Variants in KLHL28 observed in about 807,000 individuals in gnomAD.
KLHL28 encodes kelch-like protein 28.
KLHL28 carries 22 observed loss-of-function variants against 48.3 expected under a neutral mutation model. The observed-to-expected ratio is 0.46, with a 90% confidence interval of 0.33 to 0.65. KLHL28 has a LOEUF of 0.65. KLHL28 is among the 30% of genes least tolerant of loss of function. The probability of loss-of-function intolerance (pLI) is 0.03; values close to 1 mark genes in which losing one functional copy is unlikely to be tolerated. For missense variants in KLHL28, 527 were observed against 704.3 expected, an observed-to-expected ratio of 0.75 and a Z score of 2.85; for synonymous variants, 243 against 242.4, an observed-to-expected ratio of 1.00 and a Z score of -0.02.
chr14:44,948,145 GTA>G (rs893678612), intron 1 of KLHL28, among the ~76,000 whole-genome samples: 1 of 152,086 alleles, frequency 6.6e-6, no homozygotes, highest in Non-Finnish European at 1.5e-5. Context: ...GAAAAAATAG[GTA>G]ATGGGGTTAA....
chr14:44,940,107 G>A (rs1401120268), intron 2 of KLHL28, among the ~76,000 whole-genome samples: 1 of 152,166 alleles, frequency 6.6e-6, no homozygotes, highest in South Asian at 2.1e-4. Context: ...AAGTGCAAGC[G>A]AGTATGTATG....
At chr14:44,933,518 G>T (rs1369396872) in intron 3 of KLHL28, among the ~76,000 whole-genome samples, 3 of 151,844 alleles carry the variant, frequency 2.0e-5, no homozygotes, top group African/African-American at 7.3e-5. Context: ...TAAAGGTTCA[G>T]AATTACGATT....
At chr14:44,953,245 A>G (rs1187928217) in intron 1 of KLHL28, among the ~76,000 whole-genome samples, 1 of 152,214 alleles carries the variant, frequency 6.6e-6, no homozygotes, top group African/African-American at 2.4e-5. Flanking sequence ...GAATAGCCAT[A>G]TGGAAACAGG....
intron 1 of KLHL28, among the ~76,000 whole-genome samples, chr14:44,955,028 T>C (rs973256013): frequency 2.6e-5 from 4 of 152,142 alleles, no homozygotes; most frequent in Non-Finnish European, 5.9e-5. Flanking sequence ...ACTGTTAATG[T>C]GTGTATTGTG....
rs73334128 is a variant in KLHL28 at position 44,935,700 on chromosome 14, G to A, written c.900-1142C>T. ...CAAGGGAATAGTTCGTAAAAATTCA[G>A]GACAGTGGATACTTCTGGAGGAAGG... On this transcript the variant is annotated intron_variant, in intron 2 of 4. Transcript: ENST00000396128. 1.1e-3 allele frequency among the ~76,000 whole-genome samples: 169 copies of A among 151,138 alleles called. 1 individual carries two copies. The highest frequency in any genetic ancestry group is 3.4e-3 in the Middle Eastern group (1 of 294).
intron 2 of KLHL28, among the ~76,000 whole-genome samples, chr14:44,935,030 G>A (rs192318751): frequency 2.3e-3 from 357 of 152,254 alleles, no homozygotes; most frequent in Non-Finnish European, 2.2e-3. Flanking sequence ...ATGTCCAAGA[G>A]TGTTTACTAC....
At position 44,934,162 on chromosome 14, in the gene KLHL28, A is replaced by T; in HGVS notation, c.1296T>A (p.Asp432Glu). The T allele has an allele frequency of 1.2e-6, 2 of 1,614,140 alleles. No individual in the cohort carries two copies. The highest frequency in any genetic ancestry group is 1.7e-6 in the Non-Finnish European group (2 of 1,179,992). Reference protein sequence around the residue: ...TRSCFAAAVLDGMIYAIGGYG... With the variant: ...TRSCFAAAVLEGMIYAIGGYG... ...ACCCACCAATGGCATATATCATTCC[A>T]TCCAATACCGCTGCAGCAAAACAAC... Residue 432 changes from aspartate to glutamate, a missense_variant, in exon 3 of 5, where the codon GAT (aspartate) becomes GAA (glutamate). Physicochemically the swap from Asp to Glu is conservative, Grantham distance 45 (BLOSUM62 2). Coordinates refer to ENST00000396128, the MANE Select transcript of KLHL28 (RefSeq NM_017658.5).
At chr14:44,956,608 A>C (rs1884803379) in intron 1 of KLHL28, among the ~76,000 whole-genome samples, 1 of 152,264 alleles carries the variant, frequency 6.6e-6, no homozygotes, top group African/African-American at 2.4e-5. Flanking sequence ...ATCTTGTAAA[A>C]TAAACTAAAT....
chr14:44,946,937 A>T (rs1442817389), intron 1 of KLHL28, among the ~76,000 whole-genome samples: 6 of 152,184 alleles, frequency 3.9e-5, no homozygotes. Flanking sequence ...AAAGAATAAA[A>T]ATAGCAGGGA....
chr14:44,932,359 T>G (rs1039908937), intron 3 of KLHL28, among the ~76,000 whole-genome samples: 1 of 152,120 alleles, frequency 6.6e-6, no homozygotes, highest in Admixed American at 6.5e-5. Flanking sequence ...TGATCATAAT[T>G]ATCTCAGGGT....
rs758139082 is a variant in KLHL28 at position 44,931,416 on chromosome 14, A to G, written c.1469T>C (p.Val490Ala). ...FIFVVGGHNG[V>A]SHLSSIERYD... ...TCTTTCAATGCTGGACAAATGTGAGACTCCATTATGTCCACCCACCACAAA... is the reference window on the plus strand; with the variant it reads ...TCTTTCAATGCTGGACAAATGTGAGGCTCCATTATGTCCACCCACCACAAA... The change falls in exon 4 of 5, where the codon GTC (valine) becomes GCC (alanine). Residue 490 changes from valine (V) to alanine (A), a missense_variant. Coordinates refer to ENST00000396128, the MANE Select transcript of KLHL28 (RefSeq NM_017658.5). 2.5e-6 allele frequency: 4 copies of G among 1,613,508 alleles called. No homozygotes were observed. The South Asian group carries it at 3.3e-5, about 13-fold the overall frequency.
chr14:44,950,174 G>A (rs1370795714), intron 1 of KLHL28, among the ~76,000 whole-genome samples: 1 of 152,024 alleles, frequency 6.6e-6, no homozygotes, highest in Non-Finnish European at 1.5e-5. Context: ...CATAAAAAGG[G>A]CTCAGAATAG....
At chr14:44,937,282 A>T (rs1428508151) in intron 2 of KLHL28, among the ~76,000 whole-genome samples, 3 of 151,566 alleles carry the variant, frequency 2.0e-5, no homozygotes, top group Non-Finnish European at 1.5e-5. Context: ...AGTAGCTGGG[A>T]TTACAGGCAT....
intron 1 of KLHL28, among the ~76,000 whole-genome samples, chr14:44,946,145 G>A (rs906986300): frequency 6.6e-6 from 1 of 152,126 alleles, no homozygotes; most frequent in East Asian, 1.9e-4. Context: ...ATTAGGAAAT[G>A]GAAGCCCAAA....
At chr14:44,960,359 T>C (rs142865643) in intron 1 of KLHL28, among the ~76,000 whole-genome samples, 2 of 152,364 alleles carry the variant, frequency 1.3e-5, no homozygotes, top group African/African-American at 4.8e-5. Flanking sequence ...TTGAAAATTC[T>C]GATCCAACAT....
intron 1 of KLHL28, among the ~76,000 whole-genome samples, chr14:44,949,136 A>G (rs540674891): frequency 2.6e-5 from 4 of 152,260 alleles, no homozygotes; most frequent in Admixed American, 2.0e-4. Flanking sequence ...TTATTGAATC[A>G]TTACCAGTGC....
intron 2 of KLHL28, among the ~76,000 whole-genome samples, chr14:44,942,779 C>T (rs1445319708): frequency 2.0e-5 from 3 of 152,152 alleles, no homozygotes; most frequent in Non-Finnish European, 2.9e-5. Context: ...TACAATTCCT[C>T]TTCCCTAAAT....
intron 2 of KLHL28, among the ~76,000 whole-genome samples, chr14:44,940,486 C>T (rs1195383041): frequency 6.6e-6 from 1 of 152,142 alleles, no homozygotes; most frequent in Non-Finnish European, 1.5e-5. Flanking sequence ...TATTGCCATC[C>T]TTATGACTCC....
At chr14:44,951,700 A>C (rs1228616761) in intron 1 of KLHL28, among the ~76,000 whole-genome samples, 1 of 152,226 alleles carries the variant, frequency 6.6e-6, no homozygotes, top group African/African-American at 2.4e-5. Context: ...CATTCCTTGT[A>C]AGAACTACTG....
Sources: gnomAD v4.1 joint callset for allele counts (sites outside exome capture counted in the v4.1 genomes callset) on GRCh38, gnomAD v4.1.1 for gene constraint, MANE v1.5 for transcripts, NCBI Gene and HGNC (gene_info 2026-07-23, HGNC 2026-07-21) for gene names.